Variants in MYL4 observed in about 807,000 individuals in gnomAD.
The protein encoded by MYL4 is atrial myosin light chain 1.
In MYL4, 16 loss-of-function variants were observed where a neutral mutation model predicts 21.6. That is an observed-to-expected ratio of 0.74 (90% CI 0.50 to 1.12). MYL4 has a LOEUF of 1.12. Among genes scored for constraint, MYL4 ranks in the 50% most tolerant of loss-of-function variants. MYL4 has a pLI of 0.00. For missense variants in MYL4, 249 were observed against 252.9 expected (o/e 0.98, Z 0.11); for synonymous variants, 82 against 95.7 (o/e 0.86, Z 0.83).
chr17:47,220,057 A>G lies in MYL4; in HGVS notation c.313+4A>G, dbSNP rs757751050. On this transcript the variant is annotated splice_donor_region_variant and intron_variant, in intron 3 of 6. Coordinates refer to ENST00000393450, the MANE Select transcript of MYL4 (RefSeq NM_002476.2). Reference sequence around the variant, plus strand: ...CTGGGCAAGCCCAAGCCTGAAGGTCAGTGCGGCTGCATGGCAGACCTCTCC... The same window carrying G: ...CTGGGCAAGCCCAAGCCTGAAGGTCGGTGCGGCTGCATGGCAGACCTCTCC... The G allele has an allele frequency of 1.2e-6, 2 of 1,609,080 alleles. No homozygotes were observed. The highest frequency in any genetic ancestry group is 1.7e-5 in the Admixed American group (1 of 59,684).
upstream of MYL4, among the ~76,000 whole-genome samples, chr17:47,198,630 CT>C (rs2064698150): frequency 6.6e-6 from 1 of 152,254 alleles, no homozygotes; most frequent in South Asian, 2.1e-4. Flanking sequence ...AGAGGCTGAT[CT>C]AGGTTTAAAC....
intron 2 of MYL4, among the ~76,000 whole-genome samples, chr17:47,218,047 A>G (rs1447096378): frequency 2.0e-5 from 3 of 151,948 alleles, no homozygotes; most frequent in African/African-American, 7.2e-5. Flanking sequence ...ATCTCAAAAA[A>G]AAAAAAAAAA....
chr17:47,198,683 G>T (rs1351928883), upstream of MYL4, among the ~76,000 whole-genome samples: 1 of 152,152 alleles, frequency 6.6e-6, no homozygotes, highest in Non-Finnish European at 1.5e-5. Flanking sequence ...ATATCCAAAG[G>T]TTAATTGAAA....
chr17:47,201,266 T>C (rs1047087725), intron 1 of MYL4, among the ~76,000 whole-genome samples: 2 of 152,174 alleles, frequency 1.3e-5, no homozygotes, highest in African/African-American at 4.8e-5. Flanking sequence ...TTTTCTGCTT[T>C]CATTTTTGGT....
chr17:47,226,979 C>G (rs532620698), downstream of MYL4, among the ~76,000 whole-genome samples: 1 of 152,254 alleles, frequency 6.6e-6, no homozygotes, highest in African/African-American at 2.4e-5. Context: ...CTCAGCCTCC[C>G]GAGTAGCTGA....
chr17:47,224,095 G>A (rs1183958996), downstream of MYL4, among the ~76,000 whole-genome samples: 3 of 152,188 alleles, frequency 2.0e-5, no homozygotes, highest in Non-Finnish European at 2.9e-5. Context: ...CCATTTTTAA[G>A]CATACAAGTC....
At chr17:47,193,778 C>T in the MYL4 span, among the ~76,000 whole-genome samples, 1 of 149,178 alleles carries the variant, frequency 6.7e-6, no homozygotes, top group Non-Finnish European at 1.5e-5. Flanking sequence ...TCTTTTGAGA[C>T]AGAGTCTCAC....
intron 1 of MYL4, among the ~76,000 whole-genome samples, chr17:47,203,445 C>T (rs1346945337): frequency 6.6e-6 from 1 of 151,858 alleles, no homozygotes; most frequent in East Asian, 1.9e-4. Context: ...ATTATGTGCT[C>T]TATTTTGGTG....
chr17:47,209,761 A>G, intron 1 of MYL4: 1 of 720,454 alleles, frequency 1.4e-6, no homozygotes, highest in Non-Finnish European at 2.3e-6. Flanking sequence ...TCCGTCAAGA[A>G]TGAGGTGCTG....
the MYL4 span, chr17:47,189,472 G>C: frequency 2.0e-6 from 1 of 488,116 alleles, no homozygotes; most frequent in East Asian, 3.7e-5. Context: ...GACCCAAAGC[G>C]TAGGTTTCTC....
chr17:47,221,628 C>A, intron 3 of MYL4, 54 bp from the exon 4 acceptor site: 5 of 1,563,860 alleles, frequency 3.2e-6, no homozygotes, highest in South Asian at 1.2e-5. Flanking sequence ...ACCCTCTGCT[C>A]CCTTGAGCAC....
chr17:47,212,501 G>A (rs2064783618), intron 1 of MYL4, among the ~76,000 whole-genome samples: 4 of 152,328 alleles, frequency 2.6e-5, no homozygotes, highest in Admixed American at 2.6e-4. Flanking sequence ...CATGCCAATT[G>A]CTCTTGCTGT....
At chr17:47,202,880 G>A (rs1033030683) in intron 1 of MYL4, among the ~76,000 whole-genome samples, 2 of 152,138 alleles carry the variant, frequency 1.3e-5, no homozygotes, top group Admixed American at 6.5e-5. Context: ...GTTTCAATTT[G>A]AGCATAAATT....
chr17:47,222,460 A>G lies in MYL4; in HGVS notation c.565+3A>G. On this transcript the variant is annotated splice_donor_region_variant and intron_variant, in intron 5 of 6. Coordinates refer to ENST00000393450, the MANE Select transcript of MYL4 (RefSeq NM_002476.2). ...CAATGGCTGCATCAATTATGAAGGT[A>G]TTAAGCCGCGCCTTGCATCCCAGGG... 1 of 1,614,022 alleles carries G rather than the reference A, an allele frequency of 6.2e-7. No homozygotes were observed. Among genetic ancestry groups the G allele is most frequent in the East Asian group, 2.2e-5 (1 of 44,880 alleles).
downstream of MYL4, among the ~76,000 whole-genome samples, chr17:47,224,131 T>A (rs1419676462): frequency 4.6e-5 from 7 of 152,256 alleles, no homozygotes; most frequent in African/African-American, 9.6e-5. Flanking sequence ...ATTCACATTG[T>A]TGTGTAACTG....
chr17:47,219,790 G>T, intron 2 of MYL4, 114 bp from the exon 3 acceptor site: 1 of 1,295,154 alleles, frequency 7.7e-7, no homozygotes. Context: ...GCGAAATATT[G>T]GGATATTTTA....
At chr17:47,213,945 T>G (rs762942413) in intron 2 of MYL4, 119 bp downstream of exon 2, 1 of 1,197,120 alleles carries the variant, frequency 8.4e-7, no homozygotes, top group Non-Finnish European at 1.2e-6. Flanking sequence ...GTCATCATCA[T>G]AGCAAACCTA....
chr17:47,214,236 T>C (rs2064797838), intron 2 of MYL4, among the ~76,000 whole-genome samples: 1 of 152,154 alleles, frequency 6.6e-6, no homozygotes, highest in Admixed American at 6.5e-5. Context: ...GTTAGTGCCT[T>C]TTTTTCTTGG....
At chr17:47,223,185 G>A (rs1205028866) in intron 6 of MYL4, 128 bp downstream of exon 6, 6 of 924,024 alleles carry the variant, frequency 6.5e-6, no homozygotes, top group South Asian at 6.3e-5. Flanking sequence ...GGATCAGGAA[G>A]TGAGGACAGC....
Sources: allele counts gnomAD v4.1 joint callset (sites outside exome capture counted in the v4.1 genomes callset), GRCh38; gene constraint gnomAD v4.1.1; transcripts MANE v1.5; gene names NCBI Gene and HGNC (gene_info 2026-07-23, HGNC 2026-07-21).